VPS13B: variants seen among roughly 807,000 people sequenced by gnomAD.
VPS13B encodes intermembrane lipid transfer protein VPS13B.
VPS13B carries 285 observed loss-of-function variants against 426.4 expected under a neutral mutation model. That is an observed-to-expected ratio of 0.67 (90% CI 0.61 to 0.74). VPS13B has a LOEUF of 0.74. Ranked by LOEUF, VPS13B falls within the 30% of genes least tolerant of loss-of-function variation. The pLI, the probability that VPS13B is intolerant of heterozygous loss-of-function variation, is 0.00. For missense variants in VPS13B, 4,537 were observed against 4,782.6 expected (o/e 0.95, Z 1.51); for synonymous variants, 1,676 against 1,676.4 (o/e 1.00, Z 0.01).
intron 21 of VPS13B, among the ~76,000 whole-genome samples, chr8:99,431,141 C>G (rs1194894414): frequency 6.6e-6 from 1 of 152,164 alleles, no homozygotes; most frequent in Non-Finnish European, 1.5e-5. Flanking sequence ...TTGAATTTCT[C>G]TTTTTCTTCC....
chr8:99,466,900 AG>A (rs1372426356), intron 23 of VPS13B, among the ~76,000 whole-genome samples: 6 of 152,260 alleles, frequency 3.9e-5, no homozygotes, highest in African/African-American at 1.4e-4. Flanking sequence ...GGTCATTTTC[AG>A]TACCATAGAT....
chr8:99,522,864 G>A (rs891379105), intron 30 of VPS13B, among the ~76,000 whole-genome samples: 4 of 152,062 alleles, frequency 2.6e-5, no homozygotes, highest in South Asian at 2.1e-4. Flanking sequence ...CTGTATCATC[G>A]ATATCAAAGG....
intron 17 of VPS13B, among the ~76,000 whole-genome samples, chr8:99,230,736 AC>A (rs1219885162): frequency 1.3e-5 from 2 of 152,246 alleles, no homozygotes; most frequent in Non-Finnish European, 2.9e-5. Flanking sequence ...TGTCTGGTAT[AC>A]CATGACTGTT....
At chr8:99,768,924 A>G (rs1262624743) in intron 40 of VPS13B, among the ~76,000 whole-genome samples, 2 of 152,236 alleles carry the variant, frequency 1.3e-5, no homozygotes, top group East Asian at 1.9e-4. Flanking sequence ...AGTTTCATTA[A>G]TAGTATCAAG....
At chr8:99,828,961 G>A (rs569855614) in intron 51 of VPS13B, among the ~76,000 whole-genome samples, 63 of 152,230 alleles carry the variant, frequency 4.1e-4, no homozygotes, top group South Asian at 2.7e-3. Flanking sequence ...TCTCTTGGCC[G>A]AGAGATCCAC....
At chr8:99,371,848 A>C (rs1182708929) in intron 19 of VPS13B, among the ~76,000 whole-genome samples, 9 of 152,196 alleles carry the variant, frequency 5.9e-5, no homozygotes, top group African/African-American at 2.2e-4. Context: ...TCTTCCTTAC[A>C]CCTTATACAA....
intron 19 of VPS13B, among the ~76,000 whole-genome samples, chr8:99,283,915 A>G (rs1170353072): frequency 6.6e-6 from 1 of 152,196 alleles, no homozygotes; most frequent in Non-Finnish European, 1.5e-5. Context: ...TAGTGCAGAG[A>G]ATTTTTTTAT....
intron 35 of VPS13B, among the ~76,000 whole-genome samples, chr8:99,676,300 G>A (rs1830930053): frequency 6.6e-6 from 1 of 152,058 alleles, no homozygotes; most frequent in Non-Finnish European, 1.5e-5. Context: ...GGCCATTCAG[G>A]TTTGTCTGAA....
At chr8:99,128,272 A>G (rs1358104639) in intron 8 of VPS13B, among the ~76,000 whole-genome samples, 1 of 151,522 alleles carries the variant, frequency 6.6e-6, no homozygotes, top group Non-Finnish European at 1.5e-5. Context: ...CTGTAATCCC[A>G]GCTACTTGGG....
intron 17 of VPS13B, among the ~76,000 whole-genome samples, chr8:99,251,756 C>A (rs1817522834): frequency 6.6e-6 from 1 of 151,908 alleles, no homozygotes; most frequent in Admixed American, 6.6e-5. Context: ...GATGTTAATT[C>A]TTTAAGATTT....
chr8:99,827,652 C>T (rs897879461), intron 51 of VPS13B, among the ~76,000 whole-genome samples: 2 of 151,148 alleles, frequency 1.3e-5, no homozygotes, highest in Non-Finnish European at 1.5e-5. Flanking sequence ...TCTTGCTTCT[C>T]TAGTTCTGTT....
At chr8:99,360,355 G>C (rs934414699) in intron 19 of VPS13B, among the ~76,000 whole-genome samples, 1 of 150,060 alleles carries the variant, frequency 6.7e-6, no homozygotes, top group Non-Finnish European at 1.5e-5. Context: ...TCAGCTCAGT[G>C]CAAGCTCCGC....
intron 30 of VPS13B, among the ~76,000 whole-genome samples, chr8:99,538,925 T>A (rs565982075): frequency 6.6e-6 from 1 of 152,332 alleles, no homozygotes; most frequent in Admixed American, 6.5e-5. Flanking sequence ...AAACATTTTC[T>A]CTAGGCAAAG....
chr8:99,250,640 T>C (rs1245971637), intron 17 of VPS13B, among the ~76,000 whole-genome samples: 1 of 151,058 alleles, frequency 6.6e-6, no homozygotes, highest in East Asian at 1.9e-4. Flanking sequence ...TTCTTCATTC[T>C]GTCCACTAAT....
At chr8:99,037,896 C>G (rs928175597) in intron 2 of VPS13B, among the ~76,000 whole-genome samples, 1 of 150,338 alleles carries the variant, frequency 6.7e-6, no homozygotes, top group Non-Finnish European at 1.5e-5. Flanking sequence ...TTTCAAATCT[C>G]CAATTGAGCT....
intron 33 of VPS13B, among the ~76,000 whole-genome samples, chr8:99,615,279 G>C (rs1019766943): frequency 6.6e-6 from 1 of 152,102 alleles, no homozygotes; most frequent in African/African-American, 2.4e-5. Flanking sequence ...ACAGTATAGT[G>C]CAAAAACCAT....
At position 99,809,478 on chromosome 8, in the gene VPS13B, G is replaced by T; in HGVS notation, c.8045G>T (p.Arg2682Leu). The stretch of plus-strand genomic sequence containing the variant: ...ATTAGAACAATTCAGTACAGGGGTC[G>T]AACTGCTTCTCTCATCATCAAGGTT... ...TFIRTIQYRG[R>L]TASLIIKVQQ... Residue 2682 changes from arginine (R) to leucine (L), a missense_variant, in exon 44 of 62, where the codon CGA becomes CTA. Arg to Leu is a moderately radical substitution (Grantham distance 102). Around this residue, in one of 2 missense-constraint regions of VPS13B, gnomAD observed 4,311 missense variants for 4,474.3 expected, o/e 0.96. Transcript: ENST00000357162. 6.2e-7 allele frequency: 1 copy of T among 1,614,008 alleles called. No homozygotes were observed. Among genetic ancestry groups the T allele is most frequent in the Non-Finnish European group, 8.5e-7 (1 of 1,179,970 alleles).
chr8:99,370,574 C>G (rs1305083985), intron 19 of VPS13B, among the ~76,000 whole-genome samples: 1 of 143,880 alleles, frequency 7.0e-6, no homozygotes, highest in Non-Finnish European at 1.5e-5. Flanking sequence ...TGCATAAAAT[C>G]TGTAGATGTC....
At chr8:99,139,027 A>C (rs906573603) in intron 12 of VPS13B, among the ~76,000 whole-genome samples, 2 of 152,192 alleles carry the variant, frequency 1.3e-5, no homozygotes, top group Admixed American at 1.3e-4. Context: ...TGGGTTTTTC[A>C]TATTTTTCAC....
Sources: gnomAD v4.1 joint callset for allele counts (sites outside exome capture counted in the v4.1 genomes callset) on GRCh38, gnomAD v4.1.1 for gene constraint, gnomAD v4.1.1 regional missense constraint, MANE v1.5 for transcripts, NCBI Gene and HGNC (gene_info 2026-07-23, HGNC 2026-07-21) for gene names.